The following UTY variants were observed in gnomAD, a reference collection of about 807,000 sequenced individuals.
UTY encodes histone demethylase UTY.
A neutral mutation model predicts 32.5 loss-of-function variants in UTY; 12 were observed. The ratio of observed to expected loss-of-function variants is 0.37; its 90% CI spans 0.24 to 0.60. The LOEUF is 0.60. UTY is among the 20% of genes least tolerant of loss of function. The pLI is 0.69. For synonymous variants in UTY, 131 were observed against 103.4 expected (o/e 1.27, Z -1.62); for missense variants, 303 against 299.2 (o/e 1.01, Z -0.09).
chrY:13,324,169 C>T, intron 20 of UTY, among the ~76,000 whole-genome samples: 2 of 32,160 alleles, frequency 6.2e-5, no homozygotes, highest in African/African-American at 2.4e-4. Flanking sequence ...AAAGATCAGA[C>T]AAAACCTGAC....
At chrY:13,386,442 ATATCTT>A (rs2066786799) in intron 8 of UTY, among the ~76,000 whole-genome samples, 14 of 32,551 alleles carry the variant, frequency 4.3e-4, no homozygotes. Context: ...TTTTCTTATA[ATATCTT>A]TATGTTCAGT....
chrY:13,308,198 G>A, intron 21 of UTY, among the ~76,000 whole-genome samples: 1 of 27,947 alleles, frequency 3.6e-5, no homozygotes, highest in Non-Finnish European at 8.4e-5. Context: ...AGAGGCTGCA[G>A]TGAGGTGAGT....
intron 28 of UTY, among the ~76,000 whole-genome samples, chrY:13,242,926 C>T (rs781078053): frequency 3.0e-5 from 1 of 33,057 alleles, no homozygotes; most frequent in South Asian, 6.9e-4. Flanking sequence ...GAATGAAACT[C>T]GATCCCTTTA....
intron 8 of UTY, among the ~76,000 whole-genome samples, chrY:13,390,019 C>T: frequency 3.0e-5 from 1 of 33,473 alleles, no homozygotes; most frequent in South Asian, 6.6e-4. Context: ...CAGATCTTTC[C>T]ATTTCTTTTG....
intron 27 of UTY, chrY:13,287,173 T>C: frequency 7.9e-6 from 3 of 381,785 alleles, no homozygotes; most frequent in Non-Finnish European, 1.1e-5. Context: ...ACCAGCTTCC[T>C]AGAAAAAAAA....
chrY:13,245,785 T>C, downstream of UTY, among the ~76,000 whole-genome samples: 1 of 33,556 alleles, frequency 3.0e-5, no homozygotes, highest in African/African-American at 1.2e-4. Context: ...AACCAGTCAA[T>C]AGCTCTGTTA....
chrY:13,343,137 G>A (rs972129696), intron 17 of UTY, among the ~76,000 whole-genome samples: 4 of 33,007 alleles, frequency 1.2e-4, no homozygotes, highest in African/African-American at 4.8e-4. Flanking sequence ...ATATCTATAA[G>A]AGTCTTGGTA....
At chrY:13,246,814 TTGCAGTAAGCCG>T (rs2053952705), downstream of UTY, among the ~76,000 whole-genome samples, 3 of 24,615 alleles carry the variant, frequency 1.2e-4, no homozygotes, top group South Asian at 3.0e-3. Flanking sequence ...GAGGCAGTGG[TTGCAGTAAGCCG>T]AGACTGTGCC....
chrY:13,249,132 A>C lies in UTY; in HGVS notation c.*724T>G. 2.5e-5 allele frequency: 1 copy of C among 39,222 alleles called. No individual in the cohort carries two copies. Among genetic ancestry groups the C allele is most frequent in the Non-Finnish European group, 6.0e-5 (1 of 16,671 alleles). The allele number at this position is 39,222 out of a possible 400,897, so 9.8% of individuals were successfully genotyped here. On this transcript the variant is annotated 3_prime_UTR_variant, in exon 30 of 30. Transcript: ENST00000545955. ...TAAAATGTAATAGGAGTAGTGTTTA[A>C]AACTACAGAACTCCTTAGTATTTAA... is the stretch of plus-strand genomic sequence containing the variant.
intron 27 of UTY, among the ~76,000 whole-genome samples, chrY:13,292,981 T>C (rs2057840806): frequency 3.0e-5 from 1 of 33,513 alleles, no homozygotes; most frequent in East Asian, 7.8e-4. Context: ...CGGGAAATAA[T>C]AATGGTGTGA....
intron 18 of UTY, among the ~76,000 whole-genome samples, chrY:13,329,823 T>C (rs549959402): frequency 2.7e-4 from 9 of 33,817 alleles, no homozygotes; most frequent in Admixed American, 8.0e-4. Context: ...TGAACCCCCA[T>C]TGCTTAAAAC....
chrY:13,446,619 T>TAGACAGACAGACAGACAGACAGAC lies in UTY; in HGVS notation c.375+2397_375+2398insGTCTGTCTGTCTGTCTGTCTGTCT. On this transcript the variant is annotated intron_variant, in intron 4 of 29. Transcript: ENST00000545955. ...ATAGATAGATAGATAGATAGATAGATAGACAGACAGACAGACAGACAGGAT... is the reference window on the plus strand; with the variant it reads ...ATAGATAGATAGATAGATAGATAGATAGACAGACAGACAGACAGACAGACAGACAGACAGACAGACAGACAGGAT... 9.1e-4 allele frequency among the ~76,000 whole-genome samples: 13 copies of TAGACAGACAGACAGACAGACAGAC among 14,269 alleles called. No individual in the cohort carries two copies. In the East Asian group the frequency reaches 0.011, roughly 12 times the overall value. 38.3% of individuals were successfully genotyped at this position (14,269 alleles called of 37,273 possible). A position where few individuals can be genotyped will look rare whatever the true frequency, so the allele number is the denominator to read the frequency against.
At chrY:13,455,468 C>T in intron 3 of UTY, among the ~76,000 whole-genome samples, 1 of 32,992 alleles carries the variant, frequency 3.0e-5, no homozygotes. Context: ...AACAGATTTT[C>T]TAAATTATCA....
intron 17 of UTY, among the ~76,000 whole-genome samples, chrY:13,352,014 T>G: frequency 3.0e-5 from 1 of 33,668 alleles, no homozygotes; most frequent in Non-Finnish European, 7.4e-5. Flanking sequence ...TCATATTGTA[T>G]CACTGATTTG....
At chrY:13,265,794 A>G (rs2055723803) in intron 27 of UTY, among the ~76,000 whole-genome samples, 2 of 32,949 alleles carry the variant, frequency 6.1e-5, no homozygotes, top group Non-Finnish European at 1.5e-4. Context: ...GTGGTGAGAG[A>G]GGGCATCCTT....
At chrY:13,263,447 A>C (rs2055457483) in intron 27 of UTY, among the ~76,000 whole-genome samples, 2 of 33,806 alleles carry the variant, frequency 5.9e-5, no homozygotes, top group Non-Finnish European at 7.3e-5. Flanking sequence ...CATAGAAAGT[A>C]ATAGTATTAA....
In UTY at chrY:13,241,600, ACTAGCTAAG is replaced by A. The variant is rs2053903344; in HGVS notation, c.*1477-6783_*1477-6775del. Among the ~76,000 whole-genome samples, 10 of 34,094 alleles carry A rather than the reference ACTAGCTAAG, an allele frequency of 2.9e-4. No individual in the cohort carries two copies. The South Asian group carries it at 6.4e-3, about 22-fold the overall frequency. 91.5% of individuals were successfully genotyped at this position (34,094 alleles called of 37,273 possible). A position where few individuals can be genotyped will look rare whatever the true frequency, so the allele number is the denominator to read the frequency against. ...CTTGAAAAGACAAAACTGATAAACC[ACTAGCTAAG>A]CTAACCAAGGAAAGAAGCAAGAAGA... On this transcript the variant is annotated intron_variant and NMD_transcript_variant, in intron 28 of 28. Coordinates refer to the UTY transcript ENST00000682112.
intron 8 of UTY, among the ~76,000 whole-genome samples, chrY:13,373,401 C>T (rs2065116422): frequency 6.0e-5 from 2 of 33,310 alleles, no homozygotes; most frequent in Admixed American, 2.7e-4. Flanking sequence ...TTTTGTATTA[C>T]GAATGATAAA....
At chrY:13,275,811 A>G in intron 27 of UTY, among the ~76,000 whole-genome samples, 1 of 34,271 alleles carries the variant, frequency 2.9e-5, no homozygotes, top group East Asian at 7.5e-4. Context: ...GCTTTTTCTA[A>G]CATCAGTATC....
Sources: allele counts gnomAD v4.1 joint callset (sites outside exome capture counted in the v4.1 genomes callset), GRCh38; gene constraint gnomAD v4.1.1; transcripts MANE v1.5; gene names NCBI Gene and HGNC (gene_info 2026-07-23, HGNC 2026-07-21).